PACC1: variants seen among roughly 807,000 people sequenced by gnomAD.
PACC1 encodes proton-activated chloride channel.
PACC1 carries 34 observed loss-of-function variants against 39.7 expected under a neutral mutation model. The ratio of observed to expected loss-of-function variants is 0.86; its 90% confidence interval spans 0.65 to 1.14. The LOEUF (loss-of-function observed/expected upper bound fraction) is 1.14. PACC1 is among the 50% of genes most tolerant of loss of function. PACC1 has a pLI of 0.00. For synonymous variants in PACC1, 127 were observed against 160.6 expected (o/e 0.79, Z 1.58); for missense variants, 379 against 436.4 (o/e 0.87, Z 1.17).
In PACC1 at chr1:212,388,347, T is replaced by C. The variant is rs375335755; in HGVS notation, c.134-1247A>G. ...ACTGATTGAACACGTCCTGATGCTA[T>C]TGGTACAACACAACTCTGTCTCCCC... On this transcript the variant is annotated intron_variant, in intron 2 of 7. Transcript: ENST00000261455. 4.3e-4 allele frequency among the ~76,000 whole-genome samples: 65 copies of C among 152,304 alleles called. No individual in the cohort carries two copies. In the South Asian group the frequency reaches 0.011, roughly 26 times the overall value.
At chr1:212,383,173 G>A (rs1234539951) in intron 4 of PACC1, among the ~76,000 whole-genome samples, 1 of 152,218 alleles carries the variant, frequency 6.6e-6, no homozygotes, top group African/African-American at 2.4e-5. Context: ...AGACTTGGGG[G>A]CAGTAGCTGC....
At chr1:212,403,407 C>A (rs1240581385) in intron 2 of PACC1, among the ~76,000 whole-genome samples, 3 of 152,098 alleles carry the variant, frequency 2.0e-5, no homozygotes, top group Admixed American at 1.3e-4. Context: ...GTCTTCATGG[C>A]CCCCCTGCTC....
intron 2 of PACC1, among the ~76,000 whole-genome samples, chr1:212,394,141 G>C (rs1379903047): frequency 6.6e-6 from 1 of 152,080 alleles, no homozygotes; most frequent in Non-Finnish European, 1.5e-5. Flanking sequence ...CAACAAAAGA[G>C]AATTTTAGAC....
chr1:212,379,359 C>T (rs1160173712), intron 5 of PACC1, among the ~76,000 whole-genome samples: 1 of 152,198 alleles, frequency 6.6e-6, no homozygotes, highest in African/African-American at 2.4e-5. Flanking sequence ...CTTCTGTCAA[C>T]AGTAGGCTGT....
intron 2 of PACC1, among the ~76,000 whole-genome samples, chr1:212,405,231 T>A (rs552722088): frequency 7.9e-5 from 12 of 152,192 alleles, no homozygotes; most frequent in Non-Finnish European, 1.8e-4. Context: ...AAATAGGTAC[T>A]GAGTACCTAC....
chr1:212,394,171 C>T (rs1414192121), intron 2 of PACC1, among the ~76,000 whole-genome samples: 1 of 152,050 alleles, frequency 6.6e-6, no homozygotes, highest in Non-Finnish European at 1.5e-5. Flanking sequence ...TGATGAACAT[C>T]GACGCAAAAA....
rs539385094 is a variant in PACC1, at chr1:212,398,858, G to A, written c.133+11567C>T. On this transcript the variant is annotated intron_variant, in intron 2 of 7. Coordinates refer to ENST00000261455, the MANE Select transcript of PACC1 (RefSeq NM_018252.3). ...CCCGAGAAAGTATCCTGTATAGGGT[G>A]TTCCACCAGATACCTCACAAGACAC... 7.2e-5 allele frequency among the ~76,000 whole-genome samples: 11 copies of A among 152,310 alleles called. No homozygotes were observed. The South Asian group carries it at 2.3e-3, about 32-fold the overall frequency.
chr1:212,371,950 T>G (rs1453626698), intron 7 of PACC1, among the ~76,000 whole-genome samples: 1 of 152,014 alleles, frequency 6.6e-6, no homozygotes, highest in Non-Finnish European at 1.5e-5. Flanking sequence ...CAATAGATGG[T>G]AAAAAAGCAT....
chr1:212,379,133 T>C (rs568670411), intron 5 of PACC1, among the ~76,000 whole-genome samples: 188 of 151,986 alleles, frequency 1.2e-3, no homozygotes, highest in African/African-American at 3.7e-3. Context: ...TTAGTAGAGA[T>C]GGGGTTTCAC....
chr1:212,373,694 TG>T (rs1308152857), intron 7 of PACC1, among the ~76,000 whole-genome samples: 3 of 152,156 alleles, frequency 2.0e-5, no homozygotes, highest in African/African-American at 7.2e-5. Flanking sequence ...GCAAGAGATC[TG>T]AATAGAGATT....
intron 1 of PACC1, 61 bp downstream of exon 1, chr1:212,414,661 A>G: frequency 7.9e-7 from 1 of 1,272,888 alleles, no homozygotes; most frequent in Non-Finnish European, 1.1e-6. Flanking sequence ...GCATCCGCCC[A>G]GGCCCCCGGG....
At chr1:212,404,096 C>T (rs1661815959) in intron 2 of PACC1, among the ~76,000 whole-genome samples, 1 of 151,824 alleles carries the variant, frequency 6.6e-6, no homozygotes, top group South Asian at 2.1e-4. Flanking sequence ...CTGTTCCAAT[C>T]CTTTTATTTT....
At chr1:212,375,370 GGA>G (rs1660609498) in intron 6 of PACC1, 70 bp from the exon 7 acceptor site, 1 of 1,112,762 alleles carries the variant, frequency 9.0e-7, no homozygotes, top group Non-Finnish European at 1.4e-6. Context: ...CCCAGCGAAA[GGA>G]GAGAGAGTAG....
intron 2 of PACC1, among the ~76,000 whole-genome samples, chr1:212,399,147 C>T (rs753465229): frequency 7.2e-5 from 11 of 152,220 alleles, no homozygotes; most frequent in East Asian, 3.8e-4. Flanking sequence ...TACATTCTAA[C>T]GGGGTTTGAA....
intron 4 of PACC1, among the ~76,000 whole-genome samples, chr1:212,381,695 GCACACACACACACA>G (rs58078220): frequency 9.4e-4 from 115 of 122,836 alleles, no homozygotes; most frequent in African/African-American, 3.3e-3. Flanking sequence ...CACACACACT[GCACACACACACACA>G]CACACACACA....
In PACC1 at chr1:212,414,850, C is replaced by T. The variant is rs1170437031; in HGVS notation, c.-93G>A. ...GCCGCTGCACCTGGACCTACCGGCTCCGCGAGGCGAAACCGGTCCGGAGGG... is the reference window on the plus strand; with the variant it reads ...GCCGCTGCACCTGGACCTACCGGCTTCGCGAGGCGAAACCGGTCCGGAGGG... On this transcript the variant is annotated 5_prime_UTR_variant, in exon 1 of 8. Transcript: ENST00000261455. The T allele has an allele frequency of 1.9e-6, 3 of 1,548,898 alleles. No individual in the cohort carries two copies. Among genetic ancestry groups the T allele is most frequent in the Admixed American group, 3.6e-5 (2 of 56,276 alleles).
intron 2 of PACC1, among the ~76,000 whole-genome samples, chr1:212,398,888 C>T (rs1451824024): frequency 1.3e-5 from 2 of 152,182 alleles, no homozygotes; most frequent in Non-Finnish European, 1.5e-5. Context: ...AGACACTGAC[C>T]TCCTTCAAGC....
chr1:212,365,183 G>T lies in PACC1; in HGVS notation c.*32C>A. The T allele has an allele frequency of 6.2e-7, 1 of 1,602,772 alleles. No homozygotes were observed. The highest frequency in any genetic ancestry group is 8.5e-7 in the Non-Finnish European group (1 of 1,174,212). On this transcript the variant is annotated 3_prime_UTR_variant, in exon 8 of 8. Coordinates refer to ENST00000261455, the MANE Select transcript of PACC1 (RefSeq NM_018252.3). ...GGAAGTGATGACAGCTCCCATTGAT[G>T]TGGACAGTTCTCTAAACAACGCGAG...
chr1:212,370,864 C>T (rs964799295), intron 7 of PACC1, among the ~76,000 whole-genome samples: 60 of 152,246 alleles, frequency 3.9e-4, no homozygotes, highest in African/African-American at 1.3e-3. Context: ...CTAACGATCA[C>T]CTCAAAGAAC....
Sources: allele counts gnomAD v4.1 joint callset (sites outside exome capture counted in the v4.1 genomes callset), GRCh38; gene constraint gnomAD v4.1.1; transcripts MANE v1.5; gene names NCBI Gene and HGNC (gene_info 2026-07-23, HGNC 2026-07-21).